PCDHA2: variants seen among roughly 807,000 people sequenced by gnomAD.
PCDHA2 encodes the protein protocadherin alpha 2, also known as protocadherin alpha-2.
Under a neutral mutation model 66.0 loss-of-function variants are expected in PCDHA2, and 58 were observed. The observed-to-expected ratio is 0.88, with a 90% confidence interval of 0.71 to 1.09. The LOEUF (loss-of-function observed/expected upper bound fraction) is 1.09, where lower values mean the gene tolerates loss of function less well. Among genes scored for constraint, PCDHA2 ranks in the 50% least tolerant of loss-of-function variants. The probability of loss-of-function intolerance (pLI) is 0.00; values close to 1 mark genes in which losing one functional copy is unlikely to be tolerated. For synonymous variants in PCDHA2, 634 were observed against 554.0 expected, an observed-to-expected ratio of 1.14 and a Z score of -2.03; for missense variants, 1,267 against 1,242.3, an observed-to-expected ratio of 1.02 and a Z score of -0.30.
At chr5:140,919,945 A>G (rs1456572905) in intron 1 of PCDHA2, among the ~76,000 whole-genome samples, 1 of 151,572 alleles carries the variant, frequency 6.6e-6, no homozygotes, top group Non-Finnish European at 1.5e-5. Flanking sequence ...ATTCCAGTGA[A>G]AAGTTTGTTT....
chr5:140,871,524 G>A (rs1554165700), intron 1 of PCDHA2: 3 of 1,546,672 alleles, frequency 1.9e-6, no homozygotes, highest in Middle Eastern at 1.7e-4. Flanking sequence ...CACCTATCAG[G>A]AAGTGTATGT....
intron 1 of PCDHA2, chr5:140,927,409 A>C (rs1554204480): frequency 2.5e-6 from 4 of 1,614,002 alleles, no homozygotes; most frequent in Non-Finnish European, 3.4e-6. Flanking sequence ...TCGCCTGGAC[A>C]TGGGATCGCG....
intron 1 of PCDHA2, among the ~76,000 whole-genome samples, chr5:140,897,000 T>C (rs2065833068): frequency 6.6e-6 from 1 of 152,180 alleles, no homozygotes; most frequent in Non-Finnish European, 1.5e-5. Context: ...CTTTTAGTTA[T>C]TTTTAAATAT....
At chr5:140,956,200 GA>G (rs1385482287) in intron 1 of PCDHA2, among the ~76,000 whole-genome samples, 1 of 152,152 alleles carries the variant, frequency 6.6e-6, no homozygotes, top group Non-Finnish European at 1.5e-5. Flanking sequence ...TAGGAGTGGT[GA>G]AAGAGGGCAT....
At chr5:140,930,175 G>A (rs1554207630) in intron 1 of PCDHA2, 2 of 152,134 alleles carry the variant, frequency 1.3e-5, no homozygotes, top group African/African-American at 4.8e-5. Context: ...TTACAAAGAG[G>A]AAAGATGAGT....
chr5:140,868,184 G>A (rs1216562415), intron 1 of PCDHA2: 3 of 151,962 alleles, frequency 2.0e-5, no homozygotes, highest in African/African-American at 7.2e-5. Context: ...CTCATATTAT[G>A]CTACTATGGC....
At chr5:140,835,927 G>T (rs2150248499) in intron 1 of PCDHA2, 3 of 1,612,438 alleles carry the variant, frequency 1.9e-6, no homozygotes, top group African/African-American at 1.3e-5. Context: ...GCGGAGAGCG[G>T]CAAGGTGTAC....
chr5:140,903,402 G>T (rs1293264385), intron 1 of PCDHA2, among the ~76,000 whole-genome samples: 6 of 152,192 alleles, frequency 3.9e-5, no homozygotes, highest in Non-Finnish European at 5.9e-5. Context: ...AAACAGTAGT[G>T]CAGTCAGGAA....
Position 140,869,617 on chromosome 5 carries a change from C to G in PCDHA2, c.2388+72265C>G, listed in dbSNP as rs782525218. The stretch of plus-strand genomic sequence containing the variant: ...AGAGAATGCTCTATTGACCTACAGG[C>G]TAAGTAAAAATGAGTATTTTTCTTT... On this transcript the variant is annotated intron_variant, in intron 1 of 3. Transcript: ENST00000526136. 5 of 1,613,828 alleles carry G rather than the reference C, an allele frequency of 3.1e-6. No homozygotes were observed. The highest frequency in any genetic ancestry group is 4.2e-6 in the Non-Finnish European group (5 of 1,179,910).
At chr5:140,824,414 T>C (rs1768113861) in intron 1 of PCDHA2, 3 of 519,586 alleles carry the variant, frequency 5.8e-6, no homozygotes, top group Admixed American at 7.5e-5. Flanking sequence ...AAGACATAGT[T>C]TGGAGTCATT....
intron 1 of PCDHA2, among the ~76,000 whole-genome samples, chr5:140,887,519 T>C (rs1460911624): frequency 1.3e-5 from 2 of 152,190 alleles, no homozygotes; most frequent in East Asian, 3.8e-4. Flanking sequence ...CTTTTTTATA[T>C]ATGAGTCTTC....
At position 140,865,331 on chromosome 5, in the gene PCDHA2, TAAAG is replaced by T. The variant is rs2048827631; in HGVS notation, c.2388+67983_2388+67986del. 4 of 152,230 alleles carry T rather than the reference TAAAG, an allele frequency of 2.6e-5. No homozygotes were observed. The South Asian group carries it at 8.3e-4, about 31-fold the overall frequency. The allele number at this position is 152,230 out of a possible 1,614,324, so 9.4% of individuals were successfully genotyped here. On this transcript the variant is annotated intron_variant, in intron 1 of 3. Transcript: ENST00000526136. ...AAATGAGATGGCCTTTAATTCTGTGTAAAGAAATAGTATATTTACATATTGCAGG... is the reference window on the plus strand; with the variant it reads ...AAATGAGATGGCCTTTAATTCTGTGTAAATAGTATATTTACATATTGCAGG...
intron 3 of PCDHA2, among the ~76,000 whole-genome samples, chr5:141,008,739 C>A (rs1554261919): frequency 1.3e-5 from 2 of 152,166 alleles, no homozygotes; most frequent in Non-Finnish European, 2.9e-5. Context: ...AGACTGTGAG[C>A]ACACTGAGGG....
intron 1 of PCDHA2, chr5:140,928,319 AG>A: frequency 6.2e-7 from 1 of 1,614,200 alleles, no homozygotes. Flanking sequence ...GACCTGGGGA[AG>A]AATGGCCTTG....
At chr5:140,832,788 A>C (rs1330713880) in intron 1 of PCDHA2, among the ~76,000 whole-genome samples, 1 of 152,194 alleles carries the variant, frequency 6.6e-6, no homozygotes, top group Non-Finnish European at 1.5e-5. Context: ...AGAAAGGTAC[A>C]TCATAGTGTT....
At chr5:140,893,066 A>G (rs1221245824) in intron 1 of PCDHA2, among the ~76,000 whole-genome samples, 1 of 152,248 alleles carries the variant, frequency 6.6e-6, no homozygotes, top group Admixed American at 6.5e-5. Flanking sequence ...ACTGCCATGA[A>G]TAACAGGATT....
chr5:140,973,242 ATTC>A (rs1295527172), intron 1 of PCDHA2, among the ~76,000 whole-genome samples: 1 of 152,170 alleles, frequency 6.6e-6, no homozygotes, highest in Non-Finnish European at 1.5e-5. Context: ...GAAAGAGTTA[ATTC>A]TTCTTTCAGT....
At position 140,946,611 on chromosome 5, in the gene PCDHA2, A is replaced by AATATATATATATATATAT. The variant is rs1554217734; in HGVS notation, c.2389-32334_2389-32317dup. Among the ~76,000 whole-genome samples, 487 of 86,718 alleles carry AATATATATATATATATAT rather than the reference A, an allele frequency of 5.6e-3. 17 individuals are homozygous for AATATATATATATATATAT. The highest frequency in any genetic ancestry group is 0.01 in the African/African-American group (158 of 15,660). 56.9% of individuals were successfully genotyped at this position (86,718 alleles called of 152,430 possible). The stretch of plus-strand genomic sequence containing the variant: ...GGATGAATAGATAAAGAAAATGTGA[A>AATATATATATATATATAT]ATATATATATATATATATATACAAT... On this transcript the variant is annotated intron_variant, in intron 1 of 3. Coordinates refer to ENST00000526136, the MANE Select transcript of PCDHA2 (RefSeq NM_018905.3).
intron 1 of PCDHA2, chr5:140,966,932 G>A: frequency 6.2e-7 from 1 of 1,603,726 alleles, no homozygotes; most frequent in Non-Finnish European, 8.5e-7. Flanking sequence ...GGCACCCGGC[G>A]CGCTCGTGGG....
Sources: allele counts gnomAD v4.1 joint callset (sites outside exome capture counted in the v4.1 genomes callset), GRCh38; gene constraint gnomAD v4.1.1; transcripts MANE v1.5; gene names NCBI Gene and HGNC (gene_info 2026-07-23, HGNC 2026-07-21).